The following TACR3 variants were observed in gnomAD, a reference collection of about 807,000 sequenced individuals.
The protein encoded by TACR3 is neuromedin-K receptor.
A neutral mutation model predicts 35.0 loss-of-function variants in TACR3; 34 were observed. The observed-to-expected ratio is 0.97, with a 90% confidence interval of 0.74 to 1.30. The LOEUF is 1.30. Among genes scored for constraint, TACR3 ranks in the 50% most tolerant of loss-of-function variants. The pLI, the probability that TACR3 is intolerant of heterozygous loss-of-function variation, is 0.00. For missense variants in TACR3, 558 were observed against 591.7 expected, an observed-to-expected ratio of 0.94 and a Z score of 0.59; for synonymous variants, 233 against 221.1, an observed-to-expected ratio of 1.05 and a Z score of -0.48.
intron 1 of TACR3, among the ~76,000 whole-genome samples, chr4:103,712,083 A>G (rs2110231578): frequency 6.6e-6 from 1 of 152,334 alleles, no homozygotes; most frequent in East Asian, 1.9e-4. Flanking sequence ...GGTAATTTAT[A>G]GATTCAATGC....
intron 3 of TACR3, among the ~76,000 whole-genome samples, chr4:103,599,769 G>C (rs142565456): frequency 0.016 from 2,488 of 152,178 alleles, 56 homozygotes; most frequent in African/African-American, 0.057. Context: ...GTTGATTTGC[G>C]TATGTCGAAC....
intron 1 of TACR3, among the ~76,000 whole-genome samples, chr4:103,709,188 C>T (rs1722877086): frequency 6.6e-6 from 1 of 152,222 alleles, no homozygotes; most frequent in Admixed American, 6.5e-5. Flanking sequence ...AAGAGCAACT[C>T]CAAGACGCAT....
chr4:103,631,315 T>C (rs1438638940), intron 3 of TACR3, among the ~76,000 whole-genome samples: 1 of 152,124 alleles, frequency 6.6e-6, no homozygotes, highest in African/African-American at 2.4e-5. Flanking sequence ...ACCCTAGAAC[T>C]TAAAGTATAA....
chr4:103,704,380 T>G (rs936728503), intron 1 of TACR3, among the ~76,000 whole-genome samples: 3 of 152,146 alleles, frequency 2.0e-5, no homozygotes, highest in Admixed American at 6.5e-5. Flanking sequence ...GTAGAAGTAC[T>G]GTGTTAGTTT....
At chr4:103,648,921 C>T (rs1465035357) in intron 3 of TACR3, among the ~76,000 whole-genome samples, 1 of 152,040 alleles carries the variant, frequency 6.6e-6, no homozygotes, top group Non-Finnish European at 1.5e-5. Flanking sequence ...ATGAGAGTTT[C>T]CTTTCCTCCA....
Position 103,589,693 on chromosome 4 carries a change from C to T in TACR3, c.1387G>A (p.Glu463Lys), listed in dbSNP as rs751167425. Reference protein sequence around the residue: ...FISSPYTSVDEYS With the variant: ...FISSPYTSVDKYS Reference sequence around the variant, plus strand: ...CTCAGGAAATGGAATTAAGAATATTCATCCACAGAGGTATAGGGTGAGCTT... The same window carrying T: ...CTCAGGAAATGGAATTAAGAATATTTATCCACAGAGGTATAGGGTGAGCTT... The change falls in exon 5 of 5, where the codon GAA becomes AAA. Residue 463 changes from glutamate to lysine, a missense_variant. Coordinates refer to ENST00000304883, the MANE Select transcript of TACR3 (RefSeq NM_001059.3). 3 of 1,613,898 alleles carry T rather than the reference C, an allele frequency of 1.9e-6. No individual in the cohort carries two copies. The highest frequency in any genetic ancestry group is 1.1e-5 in the South Asian group (1 of 91,074).
intron 3 of TACR3, among the ~76,000 whole-genome samples, chr4:103,604,761 A>G (rs975806651): frequency 6.7e-6 from 1 of 148,264 alleles, no homozygotes; most frequent in Non-Finnish European, 1.5e-5. Flanking sequence ...CAAGACAGTT[A>G]TGTGGCCAAC....
intron 3 of TACR3, among the ~76,000 whole-genome samples, chr4:103,617,601 T>C (rs1724688926): frequency 1.3e-5 from 2 of 152,174 alleles, no homozygotes; most frequent in African/African-American, 4.8e-5. Context: ...TAGCAACTCA[T>C]AAACATAAGA....
chr4:103,695,749 T>C lies in TACR3; in HGVS notation c.548+23379A>G, dbSNP rs191189391. ...TGTGTGTGTGTGTGTGTGTGTAAAG[T>C]TTACTTCATATAGTTCTCACATATT... is the stretch of plus-strand genomic sequence containing the variant. On this transcript the variant is annotated intron_variant, in intron 1 of 4. Transcript: ENST00000304883. 2.0e-3 allele frequency among the ~76,000 whole-genome samples: 293 copies of C among 146,660 alleles called. 1 individual carries two copies. Among genetic ancestry groups the C allele is most frequent in the Non-Finnish European group, 3.3e-3 (221 of 67,716 alleles).
At chr4:103,638,648 C>T (rs550297282) in intron 3 of TACR3, among the ~76,000 whole-genome samples, 1 of 152,212 alleles carries the variant, frequency 6.6e-6, no homozygotes, top group African/African-American at 2.4e-5. Context: ...TCAGAGTGAA[C>T]AGACAACCTA....
chr4:103,717,975 C>G (rs1290839417), intron 1 of TACR3, among the ~76,000 whole-genome samples: 1 of 152,094 alleles, frequency 6.6e-6, no homozygotes, highest in East Asian at 1.9e-4. Flanking sequence ...GGCTACTAAC[C>G]TCTGCTCCTT....
At chr4:103,597,513 G>C (rs545789631) in intron 3 of TACR3, among the ~76,000 whole-genome samples, 1 of 152,130 alleles carries the variant, frequency 6.6e-6, no homozygotes, top group Non-Finnish European at 1.5e-5. Context: ...GTGCAGGTTT[G>C]TTACATATGT....
In TACR3 at chr4:103,588,223, G is replaced by A. The variant is rs1723815130; in HGVS notation, c.*1459C>T. 6.6e-6 allele frequency: 1 copy of A among 152,098 alleles called. No homozygotes were observed. The highest frequency in any genetic ancestry group is 2.4e-5 in the African/African-American group (1 of 41,444). 9.4% of individuals were successfully genotyped at this position (152,098 alleles called of 1,614,324 possible). On this transcript the variant is annotated 3_prime_UTR_variant, in exon 5 of 5. Coordinates refer to ENST00000304883, the MANE Select transcript of TACR3 (RefSeq NM_001059.3). ...ATCGGTGGAGGCACAACAGTAAAGT[G>A]TTTGTTAGAGAGTATTATTTTAGAC... is the stretch of plus-strand genomic sequence containing the variant.
At chr4:103,601,939 C>T (rs191316615) in intron 3 of TACR3, among the ~76,000 whole-genome samples, 37 of 152,274 alleles carry the variant, frequency 2.4e-4, no homozygotes, top group African/African-American at 8.7e-4. Flanking sequence ...GCCTGCTTTG[C>T]TAGATTGGGG....
chr4:103,663,087 A>AT (rs886856701), intron 1 of TACR3, among the ~76,000 whole-genome samples: 14 of 152,142 alleles, frequency 9.2e-5, no homozygotes, highest in Middle Eastern at 3.4e-3. Flanking sequence ...CAGGTTGTGG[A>AT]TTTTTTTTGC....
chr4:103,669,806 T>C (rs1726016308), intron 1 of TACR3, among the ~76,000 whole-genome samples: 1 of 152,048 alleles, frequency 6.6e-6, no homozygotes, highest in South Asian at 2.1e-4. Context: ...GTGCAGAAGA[T>C]TTTTTTCATT....
At chr4:103,667,673 A>G (rs923270781) in intron 1 of TACR3, among the ~76,000 whole-genome samples, 32 of 152,294 alleles carry the variant, frequency 2.1e-4, no homozygotes, top group African/African-American at 7.7e-4. Flanking sequence ...ACACTTTACC[A>G]CTTATCTTAC....
intron 3 of TACR3, among the ~76,000 whole-genome samples, chr4:103,605,606 T>G (rs1029145642): frequency 5.3e-5 from 8 of 152,072 alleles, no homozygotes; most frequent in Admixed American, 5.2e-4. Flanking sequence ...TCATGTGTTT[T>G]TTGGCTGCAT....
intron 3 of TACR3, among the ~76,000 whole-genome samples, chr4:103,594,332 C>T (rs1220760653): frequency 6.6e-6 from 1 of 151,952 alleles, no homozygotes; most frequent in African/African-American, 2.4e-5. Context: ...AGCGTGCCAC[C>T]ACGCCTGGCT....
Sources: gnomAD v4.1 joint callset for allele counts (sites outside exome capture counted in the v4.1 genomes callset) on GRCh38, gnomAD v4.1.1 for gene constraint, MANE v1.5 for transcripts, NCBI Gene and HGNC (gene_info 2026-07-23, HGNC 2026-07-21) for gene names.